JMJD7: variants seen among roughly 807,000 people sequenced by gnomAD.
JMJD7 encodes jumonji domain containing 7, also known as bifunctional peptidase and (3S)-lysyl hydroxylase JMJD7.
In JMJD7, 41 loss-of-function variants were observed where a neutral mutation model predicts 41.1. That is an observed-to-expected ratio of 1.00 (90% confidence interval 0.78 to 1.30). The LOEUF (loss-of-function observed/expected upper bound fraction) is 1.30, where lower values mean the gene tolerates loss of function less well. JMJD7 is among the 50% of genes most tolerant of loss of function. The pLI, the probability that JMJD7 is intolerant of heterozygous loss-of-function variation, is 0.00. For missense variants in JMJD7, 480 were observed against 420.7 expected, an observed-to-expected ratio of 1.14 and a Z score of -1.23; for synonymous variants, 202 against 177.2, an observed-to-expected ratio of 1.14 and a Z score of -1.11.
At chr15:41,830,202 C>T (rs1450870743) in intron 1 of JMJD7, among the ~76,000 whole-genome samples, 1 of 152,188 alleles carries the variant, frequency 6.6e-6, no homozygotes, top group Non-Finnish European at 1.5e-5. Context: ...TGCCACATCC[C>T]AGAAGCCTGC....
Position 41,835,064 on chromosome 15 carries a change from C to T in JMJD7, c.313C>T (p.Arg105Cys), listed in dbSNP as rs760597072. Reference sequence around the variant, plus strand: ...GGATCGCTTCATGATGCCAGCTGAGCGCCGCCTGCCCCTGAGCTTCGTGCT... The same window carrying T: ...GGATCGCTTCATGATGCCAGCTGAGTGCCGCCTGCCCCTGAGCTTCGTGCT... ...RGDRFMMPAE[R>C]RLPLSFVLDV... Residue 105 changes from arginine to cysteine, a missense_variant, in exon 3 of 8, where the codon CGC becomes TGC. By Grantham distance (180) the Arg-to-Cys change is radical. Coordinates refer to ENST00000397299, the MANE Select transcript of JMJD7 (RefSeq NM_001114632.2). 8.7e-5 allele frequency: 140 copies of T among 1,613,682 alleles called. No individual in the cohort carries two copies. The highest frequency in any genetic ancestry group is 1.1e-4 in the East Asian group (5 of 44,890).
rs2065258131 is a variant in JMJD7 at position 41,833,401 on chromosome 15, TA to T, written c.65-1338del. On this transcript the variant is annotated intron_variant, in intron 1 of 7. Transcript: ENST00000397299. The stretch of plus-strand genomic sequence containing the variant: ...TTTATGTAGGTGAAATACATATATA[TA>T]TATATATATATATTTTTTTTTTTTT... Among the ~76,000 whole-genome samples the T allele has an allele frequency of 1.3e-4, 6 of 45,442 alleles. No homozygotes were observed. The South Asian group carries it at 5.2e-3, about 40-fold the overall frequency. The allele number at this position is 45,442 out of a possible 152,430, so 29.8% of individuals were successfully genotyped here.
intron 1 of JMJD7, among the ~76,000 whole-genome samples, chr15:41,833,275 C>G (rs1390037682): frequency 2.0e-5 from 3 of 151,584 alleles, no homozygotes; most frequent in Non-Finnish European, 2.9e-5. Context: ...ATGCTATGTG[C>G]TAGGTACTGT....
Position 41,834,869 on chromosome 15 carries a change from A to C in JMJD7, c.194A>C (p.Gln65Pro), listed in dbSNP as rs1222429445. The C allele has an allele frequency of 6.2e-7, 1 of 1,614,114 alleles. No individual in the cohort carries two copies. Among genetic ancestry groups the C allele is most frequent in the Non-Finnish European group, 8.5e-7 (1 of 1,179,964 alleles). ...RNALQHWPAL[Q>P]KWSLPYFRAT... is the part of the protein sequence containing the mutation. Reference sequence around the variant, plus strand: ...GCTCTGCAGCACTGGCCGGCCCTCCAGAAGTGGTCCCTCCCCTATTTCAGG... The same window carrying C: ...GCTCTGCAGCACTGGCCGGCCCTCCCGAAGTGGTCCCTCCCCTATTTCAGG... Residue 65 changes from glutamine to proline, a missense_variant, in exon 2 of 8, where the codon CAG (glutamine) becomes CCG (proline). Gln to Pro is a moderately conservative substitution (Grantham distance 76). Transcript: ENST00000397299.
chr15:41,833,430 T>TTTTTTTA (rs1567164876), intron 1 of JMJD7, among the ~76,000 whole-genome samples: 4 of 101,830 alleles, frequency 3.9e-5, no homozygotes, highest in Admixed American at 1.1e-4. Context: ...TTTTTTTTTT[T>TTTTTTTA]TTTTTTTTGA....
Position 41,836,664 on chromosome 15 carries a change from C to CTGAG in JMJD7, c.702+114_703-113dup, listed in dbSNP as rs2065322899. On this transcript the variant is annotated intron_variant, in intron 6 of 7. Coordinates refer to ENST00000397299, the MANE Select transcript of JMJD7 (RefSeq NM_001114632.2). The stretch of plus-strand genomic sequence containing the variant: ...ACCTTGCTCTGAAAAGTCTCTAAGT[C>CTGAG]TGAGGCCTTTCACTGCTGAGCCAAG... 4.1e-6 allele frequency: 6 copies of CTGAG among 1,466,906 alleles called. No individual in the cohort carries two copies. In the South Asian group the frequency reaches 6.9e-5, roughly 17 times the overall value. The allele number at this position is 1,466,906 out of a possible 1,614,324, so 90.9% of individuals were successfully genotyped here. A position where few individuals can be genotyped will look rare whatever the true frequency, so the allele number is the denominator to read the frequency against.
intron 5 of JMJD7, 56 bp downstream of exon 5, chr15:41,836,299 G>A: frequency 6.2e-7 from 1 of 1,604,032 alleles, no homozygotes; most frequent in South Asian, 1.1e-5. Context: ...AAGGGGGAGG[G>A]AGGCAGCAAG....
intron 1 of JMJD7, 193 bp downstream of exon 1, chr15:41,828,381 C>A: frequency 1.6e-6 from 1 of 618,192 alleles, no homozygotes; most frequent in Admixed American, 4.4e-5. Context: ...ATTCTGTTCA[C>A]GTTGTTCCCA....
rs370469363 is a variant in JMJD7 at position 41,834,963 on chromosome 15, C to T, written c.219-7C>T. The T allele has an allele frequency of 6.2e-7, 1 of 1,614,008 alleles. No individual in the cohort carries two copies. The highest frequency in any genetic ancestry group is 1.3e-5 in the African/African-American group (1 of 74,938). ...TCTGGGCATGGGCTGAGTGTCCATT[C>T]CTCTAGAGCCACAGTGGGCTCCACA... On this transcript the variant is annotated splice_region_variant and splice_polypyrimidine_tract_variant and intron_variant, in intron 2 of 7. Transcript: ENST00000397299.
In JMJD7 at chr15:41,837,187, C is replaced by G. The variant is rs751235342; in HGVS notation, c.*31C>G. ...CACTGGTGAACACCACCAAGCACGC[C>G]TCGGGGGACGGAGCCAGCCCCTCCC... On this transcript the variant is annotated 3_prime_UTR_variant, in exon 8 of 8. Coordinates refer to ENST00000397299, the MANE Select transcript of JMJD7 (RefSeq NM_001114632.2). 8.6e-6 allele frequency: 13 copies of G among 1,506,766 alleles called. No individual in the cohort carries two copies. The South Asian group carries it at 1.5e-4, about 17-fold the overall frequency. The allele number at this position is 1,506,766 out of a possible 1,614,324, so 93.3% of individuals were successfully genotyped here.
At position 41,836,877 on chromosome 15, in the gene JMJD7, G is replaced by C; in HGVS notation, c.799G>C (p.Glu267Gln). The C allele has an allele frequency of 6.2e-7, 1 of 1,613,490 alleles. No homozygotes were observed. The highest frequency in any genetic ancestry group is 8.5e-7 in the Non-Finnish European group (1 of 1,179,808). ...QALRCTVRAG[E>Q]MLYLPALWFH... ...CCTTCGCTGCACGGTGCGGGCCGGT[G>C]AGATGCTCTATCTGCCGGCTCTGTG... The change falls in exon 7 of 8, where the codon GAG (glutamate) becomes CAG (glutamine). Residue 267 changes from glutamate to glutamine, a missense_variant. Transcript: ENST00000397299.
Position 41,836,738 on chromosome 15 carries a change from G to A in JMJD7, c.703-43G>A, listed in dbSNP as rs186974644. Reference sequence around the variant, plus strand: ...GGAAGGGACAGAGCCTGAAGTCCTGGGGGGTCTGGGGGGCTGCTCCCTGGC... The same window carrying A: ...GGAAGGGACAGAGCCTGAAGTCCTGAGGGGTCTGGGGGGCTGCTCCCTGGC... On this transcript the variant is annotated intron_variant, in intron 6 of 7. Transcript: ENST00000397299. The A allele has an allele frequency of 1.3e-4, 198 of 1,558,370 alleles. No homozygotes were observed. In the East Asian group the frequency reaches 4.6e-3, roughly 36 times the overall value.
At chr15:41,830,321 A>G (rs2065211194) in intron 1 of JMJD7, among the ~76,000 whole-genome samples, 4 of 152,208 alleles carry the variant, frequency 2.6e-5, no homozygotes, top group Admixed American at 2.6e-4. Context: ...TGGCTTCTTC[A>G]CTGTTTCCGG....
At chr15:41,834,388 C>A (rs544344897) in intron 1 of JMJD7, among the ~76,000 whole-genome samples, 1 of 152,224 alleles carries the variant, frequency 6.6e-6, no homozygotes, top group African/African-American at 2.4e-5. Context: ...GCTCCCAATG[C>A]CACTTCCATG....
chr15:41,833,731 A>G (rs2065268369), intron 1 of JMJD7, among the ~76,000 whole-genome samples: 1 of 152,088 alleles, frequency 6.6e-6, no homozygotes, highest in South Asian at 2.1e-4. Flanking sequence ...TAAAATATAT[A>G]GCATGTCAGA....
In JMJD7 at chr15:41,834,774, C is replaced by T. The variant is rs1055560565; in HGVS notation, c.99C>T (p.Asp33=). Residue 33 remains aspartate (D), a synonymous_variant, in exon 2 of 8, where the codon GAC becomes GAT. Transcript: ENST00000397299. ...LCVPLAVPYL[D]KPPTPLHFYR... is the part of the protein sequence containing the mutation. ...TGCCTCTTGCTGTGCCCTACCTGGA[C>T]AAACCCCCAACTCCGCTCCACTTCT... 15 of 1,614,082 alleles carry T rather than the reference C, an allele frequency of 9.3e-6. No homozygotes were observed. Among genetic ancestry groups the T allele is most frequent in the African/African-American group, 1.3e-5 (1 of 74,942 alleles).
rs1430293088 is a variant in JMJD7, at chr15:41,833,412, A to ATTTTT, written c.65-1327_65-1326insTTTTT. On this transcript the variant is annotated intron_variant, in intron 1 of 7. Coordinates refer to ENST00000397299, the MANE Select transcript of JMJD7 (RefSeq NM_001114632.2). ...GAAATACATATATATATATATATAT[A>ATTTTT]TATTTTTTTTTTTTTTTTTTTTTTT... is the stretch of plus-strand genomic sequence containing the variant. Among the ~76,000 whole-genome samples the ATTTTT allele has an allele frequency of 3.2e-3, 135 of 41,886 alleles. 1 individual carries two copies. The highest frequency in any genetic ancestry group is 8.5e-3 in the African/African-American group (126 of 14,896). The allele number at this position is 41,886 out of a possible 152,430, so 27.5% of individuals were successfully genotyped here.
chr15:41,829,948 G>GT (rs1328373711), intron 1 of JMJD7, among the ~76,000 whole-genome samples: 1 of 152,178 alleles, frequency 6.6e-6, no homozygotes, highest in East Asian at 1.9e-4. Context: ...CAAGAGGATT[G>GT]TTTGAGTCCA....
intron 1 of JMJD7, among the ~76,000 whole-genome samples, chr15:41,832,030 C>T (rs751450352): frequency 3.9e-5 from 6 of 152,214 alleles, no homozygotes; most frequent in Non-Finnish European, 7.3e-5. Context: ...TATCTGCAAG[C>T]TTCCAGGCAC....
Sources: gnomAD v4.1 joint callset for allele counts (sites outside exome capture counted in the v4.1 genomes callset) on GRCh38, gnomAD v4.1.1 for gene constraint, MANE v1.5 for transcripts, NCBI Gene and HGNC (gene_info 2026-07-23, HGNC 2026-07-21) for gene names.